The following RANBP2 variants were observed in gnomAD, a reference collection of about 807,000 sequenced individuals.
The protein encoded by RANBP2 is E3 SUMO-protein ligase RanBP2.
A neutral mutation model predicts 303.6 loss-of-function variants in RANBP2; 57 were observed. That is an observed-to-expected ratio of 0.19 (90% confidence interval 0.15 to 0.23). RANBP2 has a LOEUF of 0.23. Ranked by LOEUF, RANBP2 falls within the 10% of genes least tolerant of loss-of-function variation. The pLI, the probability that RANBP2 is intolerant of heterozygous loss-of-function variation, is 1.00. For synonymous variants in RANBP2, 1,167 were observed against 1,301.5 expected (o/e 0.90, Z 2.23); for missense variants, 3,138 against 3,780.8 (o/e 0.83, Z 4.46).
At chr2:109,613,436 C>T in the RANBP2 span, 2 of 308,216 alleles carry the variant, frequency 6.5e-6, no homozygotes, top group African/African-American at 4.3e-5. Flanking sequence ...CAAAAGATGA[C>T]CGCTATTCAA....
chr2:108,965,901 A>G, the RANBP2 span, among the ~76,000 whole-genome samples: 101,404 of 151,814 alleles, frequency 0.67, 38,341 homozygotes, highest in Non-Finnish European at 0.87. Flanking sequence ...AGGCAAAGAA[A>G]TATTTCCTGA....
the RANBP2 span, among the ~76,000 whole-genome samples, chr2:109,522,266 T>C: frequency 1.2e-4 from 18 of 151,352 alleles, no homozygotes; most frequent in Non-Finnish European, 1.9e-4. Context: ...ACCCCAAAGG[T>C]TCTCTTTTCT....
At chr2:109,127,269 CAGT>C in the RANBP2 span, 1 of 151,962 alleles carries the variant, frequency 6.6e-6, no homozygotes, top group Admixed American at 6.5e-5. Context: ...TTCAAATCAC[CAGT>C]AGGTGATGAG....
chr2:109,337,376 C>T, the RANBP2 span, among the ~76,000 whole-genome samples: 1 of 152,248 alleles, frequency 6.6e-6, no homozygotes, highest in Non-Finnish European at 1.5e-5. Context: ...CCTGTAACTT[C>T]TCTGCATCCA....
chr2:108,770,835 AC>A (rs1677447556), intron 20 of RANBP2, among the ~76,000 whole-genome samples: 1 of 152,142 alleles, frequency 6.6e-6, no homozygotes, highest in Non-Finnish European at 1.5e-5. Flanking sequence ...GTGTGTGTTT[AC>A]ACTTACTGTT....
At chr2:109,399,020 C>A in the RANBP2 span, 1 of 1,416,464 alleles carries the variant, frequency 7.1e-7, no homozygotes, top group Non-Finnish European at 9.5e-7. Context: ...CAGTGTCCCC[C>A]GTTCCTCAAC....
At chr2:109,294,934 A>G in the RANBP2 span, among the ~76,000 whole-genome samples, 2 of 152,348 alleles carry the variant, frequency 1.3e-5, no homozygotes, top group African/African-American at 4.8e-5. Flanking sequence ...GGCAGTGGAA[A>G]CAGCACTTTC....
At chr2:108,886,201 G>A in the RANBP2 span, among the ~76,000 whole-genome samples, 1 of 152,142 alleles carries the variant, frequency 6.6e-6, no homozygotes, top group African/African-American at 2.4e-5. Context: ...CATAGTGGCT[G>A]TTTAAATTCT....
the RANBP2 span, among the ~76,000 whole-genome samples, chr2:109,533,456 A>G: frequency 1.3e-5 from 2 of 152,246 alleles, no homozygotes; most frequent in Non-Finnish European, 2.9e-5. Context: ...AAGAACATCT[A>G]TCTTCTGGCA....
In RANBP2 at chr2:108,777,176, C is replaced by T; in HGVS notation, c.8544C>T (p.Leu2848=). The T allele has an allele frequency of 6.2e-7, 1 of 1,613,558 alleles. No individual in the cohort carries two copies. The highest frequency in any genetic ancestry group is 8.5e-7 in the Non-Finnish European group (1 of 1,179,606). The change falls in exon 25 of 29, where the codon CTC becomes CTT. Residue 2848 remains leucine (L), a synonymous_variant. Coordinates refer to ENST00000283195, the MANE Select transcript of RANBP2 (RefSeq NM_006267.5). ...VSFGFGSSTG[L]SFADLASSNS... Reference sequence around the variant, plus strand: ...TTGGATTTGGAAGTAGCACAGGGCTCTCATTTGCAGACTTGGCTTCCAGTA... The same window carrying T: ...TTGGATTTGGAAGTAGCACAGGGCTTTCATTTGCAGACTTGGCTTCCAGTA...
chr2:109,350,185 G>A, the RANBP2 span, among the ~76,000 whole-genome samples: 3 of 152,192 alleles, frequency 2.0e-5, no homozygotes, highest in African/African-American at 4.8e-5. Flanking sequence ...GGCATGTGGG[G>A]TGGGGGTAGC....
the RANBP2 span, among the ~76,000 whole-genome samples, chr2:108,848,399 T>C: frequency 6.6e-6 from 1 of 152,160 alleles, no homozygotes; most frequent in Non-Finnish European, 1.5e-5. Context: ...GACCGTTAAT[T>C]TGTGGAGACT....
At chr2:108,844,537 G>A in the RANBP2 span, among the ~76,000 whole-genome samples, 1 of 152,050 alleles carries the variant, frequency 6.6e-6, no homozygotes, top group African/African-American at 2.4e-5. Flanking sequence ...TGTCGGTGTT[G>A]GCAGCTGTTG....
At chr2:109,518,475 G>C in the RANBP2 span, among the ~76,000 whole-genome samples, 1 of 152,184 alleles carries the variant, frequency 6.6e-6, no homozygotes, top group Admixed American at 6.5e-5. Flanking sequence ...GCAGACCCCA[G>C]AGCCTACGGC....
the RANBP2 span, among the ~76,000 whole-genome samples, chr2:108,925,862 T>C: frequency 2.0e-5 from 3 of 152,148 alleles, no homozygotes; most frequent in Non-Finnish European, 4.4e-5. Flanking sequence ...GTGATCCACC[T>C]GCCTTGGCAT....
chr2:108,878,075 A>T, the RANBP2 span, among the ~76,000 whole-genome samples: 61 of 152,212 alleles, frequency 4.0e-4, no homozygotes, highest in Non-Finnish European at 3.2e-4. Flanking sequence ...ATTCTGGAGA[A>T]AGAAATGACT....
At chr2:108,897,238 A>G in the RANBP2 span, 1 of 1,611,432 alleles carries the variant, frequency 6.2e-7, no homozygotes, top group Admixed American at 1.7e-5. Context: ...ACCTACAGAC[A>G]CCAATGGCCA....
the RANBP2 span, among the ~76,000 whole-genome samples, chr2:109,233,902 G>A: frequency 2.0e-5 from 3 of 152,178 alleles, no homozygotes; most frequent in Non-Finnish European, 4.4e-5. Context: ...CTTTATTGCT[G>A]CATAATATTC....
At chr2:109,296,747 C>G in the RANBP2 span, among the ~76,000 whole-genome samples, 1 of 152,106 alleles carries the variant, frequency 6.6e-6, no homozygotes, top group Non-Finnish European at 1.5e-5. Context: ...GCAGAGGATT[C>G]GCGTGGCCTG....
Sources: allele counts gnomAD v4.1 joint callset (sites outside exome capture counted in the v4.1 genomes callset), GRCh38; gene constraint gnomAD v4.1.1; transcripts MANE v1.5; gene names NCBI Gene and HGNC (gene_info 2026-07-23, HGNC 2026-07-21).